The following NTAQ1 variants were observed in gnomAD, a reference collection of about 807,000 sequenced individuals.
NTAQ1 encodes N-terminal glutamine amidase 1.
Under a neutral mutation model 28.2 loss-of-function variants are expected in NTAQ1, and 21 were observed. The observed-to-expected ratio is 0.74, with a 90% CI of 0.53 to 1.07. The LOEUF (loss-of-function observed/expected upper bound fraction) is 1.07. NTAQ1 is among the 50% of genes least tolerant of loss of function. NTAQ1 has a pLI of 0.00. For synonymous variants in NTAQ1, 105 were observed against 90.0 expected (o/e 1.17, Z -0.94); for missense variants, 264 against 256.6 (o/e 1.03, Z -0.20).
At chr8:123,418,726 T>A (rs1813471017) in intron 1 of NTAQ1, among the ~76,000 whole-genome samples, 1 of 152,134 alleles carries the variant, frequency 6.6e-6, no homozygotes, top group South Asian at 2.1e-4. Context: ...GTGAGGAGGC[T>A]GGTACAACTG....
At chr8:123,443,358 G>A (rs552417322), downstream of NTAQ1, among the ~76,000 whole-genome samples, 1 of 152,198 alleles carries the variant, frequency 6.6e-6, no homozygotes, top group East Asian at 1.9e-4. Context: ...AAATGTGGCT[G>A]CCAGACTGCC....
intron 1 of NTAQ1, among the ~76,000 whole-genome samples, chr8:123,423,381 C>CCCTTTCCCTCCTTTTCCTT (rs779362154): frequency 0.16 from 21,781 of 138,580 alleles, 2,586 homozygotes; most frequent in Non-Finnish European, 0.23. Context: ...TCCTTTTCCT[C>CCCTTTCCCTCCTTTTCCTT]CCTTTCCCTC....
At chr8:123,435,831 C>T (rs1276137006) in intron 3 of NTAQ1, among the ~76,000 whole-genome samples, 1 of 151,048 alleles carries the variant, frequency 6.6e-6, no homozygotes, top group African/African-American at 2.4e-5. Context: ...TATGCCACTG[C>T]ACGCCAGCCT....
intron 1 of NTAQ1, among the ~76,000 whole-genome samples, chr8:123,422,390 G>A (rs970960835): frequency 6.6e-6 from 1 of 151,284 alleles, no homozygotes; most frequent in Non-Finnish European, 1.5e-5. Context: ...ATCCTCTCAC[G>A]TCAGCCTCCC....
downstream of NTAQ1, among the ~76,000 whole-genome samples, chr8:123,453,010 G>C (rs1815548806): frequency 6.6e-6 from 1 of 152,208 alleles, no homozygotes; most frequent in Non-Finnish European, 1.5e-5. Context: ...GTTTCCATGG[G>C]GACCTGGAGT....
At chr8:123,462,537 G>T (rs1419020343) in intron 6 of NTAQ1, among the ~76,000 whole-genome samples, 1 of 152,126 alleles carries the variant, frequency 6.6e-6, no homozygotes, top group Non-Finnish European at 1.5e-5. Flanking sequence ...GATAATAATT[G>T]ATTACTACTT....
intron 6 of NTAQ1, among the ~76,000 whole-genome samples, chr8:123,456,463 G>A (rs1365115252): frequency 6.6e-6 from 1 of 152,178 alleles, no homozygotes; most frequent in African/African-American, 2.4e-5. Context: ...AGTCAAAAAA[G>A]TGTGGCTGAA....
At chr8:123,438,176 A>G in intron 5 of NTAQ1, 1 of 702,272 alleles carries the variant, frequency 1.4e-6, no homozygotes, top group African/African-American at 1.7e-5. Context: ...AAGAAGATAA[A>G]GGGTCCTTCA....
chr8:123,418,136 T>G (rs1251523478), intron 1 of NTAQ1, among the ~76,000 whole-genome samples: 1 of 152,152 alleles, frequency 6.6e-6, no homozygotes. Flanking sequence ...CATGGATCCC[T>G]TGGTTCTTTC....
At chr8:123,417,206 C>G (rs184392340) in intron 1 of NTAQ1, among the ~76,000 whole-genome samples, 2 of 152,322 alleles carry the variant, frequency 1.3e-5, no homozygotes, top group African/African-American at 4.8e-5. Context: ...CTCAGCAGAT[C>G]TCTGCTTCGG....
At chr8:123,457,807 A>T (rs1329232866) in intron 6 of NTAQ1, among the ~76,000 whole-genome samples, 1 of 151,740 alleles carries the variant, frequency 6.6e-6, no homozygotes, top group Non-Finnish European at 1.5e-5. Context: ...GCCGAGGCGG[A>T]TGGATCACCT....
intron 6 of NTAQ1, among the ~76,000 whole-genome samples, chr8:123,456,959 AG>A (rs1243334575): frequency 6.6e-6 from 1 of 152,212 alleles, no homozygotes; most frequent in South Asian, 2.1e-4. Flanking sequence ...GCATAACAAC[AG>A]GAAGTTGGAA....
chr8:123,436,525 C>G lies in NTAQ1; in HGVS notation c.307C>G (p.Pro103Ala), dbSNP rs1180042696. The part of the protein sequence containing the change: ...NFIYDLDTVL[P>A]FPCLFDTYVE... ...CATTTATGATCTCGATACTGTCTTG[C>G]CATTTCCCTGCCTCTTTGACACTTA... is the stretch of plus-strand genomic sequence containing the variant. Residue 103 changes from proline to alanine, a missense_variant, in exon 4 of 6, where the codon CCA (proline) becomes GCA (alanine). Pro to Ala is a conservative substitution (Grantham distance 27). Transcript: ENST00000287387. The G allele has an allele frequency of 6.2e-7, 1 of 1,613,864 alleles. No individual in the cohort carries two copies. The highest frequency in any genetic ancestry group is 8.5e-7 in the Non-Finnish European group (1 of 1,179,932).
Position 123,441,519 on chromosome 8 carries a change from GT to G in NTAQ1, c.*105del. On this transcript the variant is annotated 3_prime_UTR_variant, in exon 6 of 6. Coordinates refer to ENST00000287387, the MANE Select transcript of NTAQ1 (RefSeq NM_018024.3). Reference sequence around the variant, plus strand: ...TATGGTACAGTTGGCTTGGAATTATGTCTTTCTCTTTTAATTTGATTGAGTG... The same window carrying G: ...TATGGTACAGTTGGCTTGGAATTATGCTTTCTCTTTTAATTTGATTGAGTG... The G allele has an allele frequency of 1.2e-6, 1 of 857,342 alleles. No individual in the cohort carries two copies. Among genetic ancestry groups the G allele is most frequent in the South Asian group, 1.7e-5 (1 of 59,438 alleles). 53.1% of individuals were successfully genotyped at this position (857,342 alleles called of 1,614,324 possible).
Position 123,464,016 on chromosome 8 carries a change from G to A in NTAQ1, c.373-3063G>A, listed in dbSNP as rs370775741. ...GGGACTCCCCCGCACATGCTGTCTT[G>A]CCTGCCGCCATGTTAAGACGTGACT... On this transcript the variant is annotated intron_variant, in intron 6 of 6. Coordinates refer to the NTAQ1 transcript ENST00000650311. Among the ~76,000 whole-genome samples, 5 of 152,290 alleles carry A rather than the reference G, an allele frequency of 3.3e-5. No individual in the cohort carries two copies. The South Asian group carries it at 8.3e-4, about 25-fold the overall frequency.
chr8:123,438,664 T>G (rs1814866084), intron 5 of NTAQ1, among the ~76,000 whole-genome samples: 1 of 123,668 alleles, frequency 8.1e-6, no homozygotes, highest in African/African-American at 2.9e-5. Flanking sequence ...AAGAGCAAGA[T>G]TCCATCTCAA....
intron 6 of NTAQ1, among the ~76,000 whole-genome samples, chr8:123,465,378 C>T (rs142267857): frequency 3.0e-4 from 46 of 152,086 alleles, no homozygotes; most frequent in African/African-American, 9.2e-4. Context: ...ACAAGGACAC[C>T]GTCACCAGCT....
Position 123,437,714 on chromosome 8 carries a change from AAAACAAAAAAC to A in NTAQ1, c.508+384_508+394del, listed in dbSNP as rs1352663051. 1.1e-4 allele frequency among the ~76,000 whole-genome samples: 7 copies of A among 61,576 alleles called. No individual in the cohort carries two copies. In the East Asian group the frequency reaches 4.9e-3, roughly 43 times the overall value. The allele number at this position is 61,576 out of a possible 152,430, so 40.4% of individuals were successfully genotyped here. On this transcript the variant is annotated intron_variant, in intron 5 of 5. Transcript: ENST00000287387. The stretch of plus-strand genomic sequence containing the variant: ...TGAGACTCCATCTCAAAAAAAAAAA[AAAACAAAAAAC>A]AAAAAACAAAAAATTCCATGAATGA...
At chr8:123,420,841 G>C (rs185068817) in intron 1 of NTAQ1, among the ~76,000 whole-genome samples, 2 of 151,986 alleles carry the variant, frequency 1.3e-5, no homozygotes, top group Admixed American at 1.3e-4. Flanking sequence ...CCAGGCTGGA[G>C]TGCAGTGGTG....
Sources: allele counts gnomAD v4.1 joint callset (sites outside exome capture counted in the v4.1 genomes callset), GRCh38; gene constraint gnomAD v4.1.1; transcripts MANE v1.5; gene names NCBI Gene and HGNC (gene_info 2026-07-23, HGNC 2026-07-21).